Variants in ACTN2 observed in about 807,000 individuals in gnomAD.
ACTN2 encodes alpha-actinin-2.
A neutral mutation model predicts 113.8 loss-of-function variants in ACTN2; 39 were observed. That is an observed-to-expected ratio of 0.34 (90% CI 0.27 to 0.45). The LOEUF (loss-of-function observed/expected upper bound fraction) is 0.45, where lower values mean the gene tolerates loss of function less well. ACTN2 is among the 20% of genes least tolerant of loss of function. The pLI is 1.00. For synonymous variants in ACTN2, 429 were observed against 444.1 expected, an observed-to-expected ratio of 0.97 and a Z score of 0.43; for missense variants, 992 against 1,177.9, an observed-to-expected ratio of 0.84 and a Z score of 2.31.
intron 19 of ACTN2, among the ~76,000 whole-genome samples, chr1:236,760,414 T>C (rs745583763): frequency 3.9e-5 from 6 of 152,218 alleles, no homozygotes; most frequent in Middle Eastern, 3.2e-3. Context: ...TATACTTCAG[T>C]GGCTTTTAGT....
At chr1:236,686,846 C>A in intron 1 of ACTN2, 47 bp downstream of exon 1, 1 of 1,353,936 alleles carries the variant, frequency 7.4e-7, no homozygotes, top group Non-Finnish European at 9.5e-7. Context: ...GGCCGGGTCC[C>A]CCGCGGGGCT....
chr1:236,740,121 T>C (rs1314666348), intron 10 of ACTN2, among the ~76,000 whole-genome samples: 1 of 149,966 alleles, frequency 6.7e-6, no homozygotes. Context: ...CTCACTCACT[T>C]TTTTTTTTTG....
intron 7 of ACTN2, among the ~76,000 whole-genome samples, chr1:236,731,988 G>C (rs1225761992): frequency 1.3e-5 from 2 of 152,090 alleles, no homozygotes; most frequent in Non-Finnish European, 1.5e-5. Context: ...GACACCATTC[G>C]TTCATTTTAT....
rs1441843295 is a variant in ACTN2 at position 236,735,670 on chromosome 1, A to G, written c.733A>G (p.Ile245Val). ...VNTPKPDERA[I>V]MTYVSCFYHA... Reference sequence around the variant, plus strand: ...CACCCCTAAACCCGATGAAAGAGCCATCATGACGTACGTCTCTTGCTTCTA... The same window carrying G: ...CACCCCTAAACCCGATGAAAGAGCCGTCATGACGTACGTCTCTTGCTTCTA... Residue 245 changes from isoleucine to valine, a missense_variant, in exon 8 of 21, where the codon ATC becomes GTC. By Grantham distance (29) the Ile-to-Val change is conservative (BLOSUM62 3). Around this residue, in one of 3 missense-constraint regions of ACTN2, gnomAD observed 220 missense variants for 337.5 expected, o/e 0.65. Coordinates refer to ENST00000366578, the MANE Select transcript of ACTN2 (RefSeq NM_001103.4). The G allele has an allele frequency of 1.2e-6, 2 of 1,614,070 alleles. No individual in the cohort carries two copies. The highest frequency in any genetic ancestry group is 2.2e-5 in the East Asian group (1 of 44,886).
rs76337846 is a variant in ACTN2, at chr1:236,758,040, A to G, written c.2301+408A>G. Among the ~76,000 whole-genome samples, 938 of 152,304 alleles carry G rather than the reference A, an allele frequency of 6.2e-3. 10 individuals are homozygous for G. The highest frequency in any genetic ancestry group is 0.022 in the African/African-American group (907 of 41,554). On this transcript the variant is annotated intron_variant, in intron 18 of 20. Coordinates refer to ENST00000366578, the MANE Select transcript of ACTN2 (RefSeq NM_001103.4). ...GGTCATAATTTAACCCATTCTTTCA[A>G]CATATAAAACTCAGTTTTCTGTTTT...
chr1:236,711,078 G>A (rs1658011732), intron 1 of ACTN2, among the ~76,000 whole-genome samples: 1 of 152,218 alleles, frequency 6.6e-6, no homozygotes, highest in African/African-American at 2.4e-5. Context: ...GGAACGTGGT[G>A]CCCAGGAGAG....
chr1:236,758,922 C>T (rs1443421188), intron 18 of ACTN2, among the ~76,000 whole-genome samples: 3 of 152,176 alleles, frequency 2.0e-5, no homozygotes, highest in Non-Finnish European at 4.4e-5. Flanking sequence ...CGACTAGCTA[C>T]GTTCCAATTC....
At chr1:236,712,920 C>CTT (rs5781920) in intron 1 of ACTN2, among the ~76,000 whole-genome samples, 1 of 145,430 alleles carries the variant, frequency 6.9e-6, no homozygotes, top group Non-Finnish European at 1.5e-5. Flanking sequence ...CCATCAGTTG[C>CTT]TTTTTTTTTT....
Position 236,742,981 on chromosome 1 carries a change from G to A in ACTN2, c.1193G>A (p.Arg398His), listed in dbSNP as rs752906680. ...WLLNEIRRLE[R>H]LEHLAEKFRQ... Reference sequence around the variant, plus strand: ...CTCAATGAGATTCGGAGACTGGAGCGCTTGGAACACCTGGCTGAGAAGTTC... The same window carrying A: ...CTCAATGAGATTCGGAGACTGGAGCACTTGGAACACCTGGCTGAGAAGTTC... Residue 398 changes from arginine to histidine, a missense_variant, in exon 11 of 21, where the codon CGC becomes CAC. By Grantham distance (29) the Arg-to-His change is conservative. This residue lies in a region of ACTN2 where 736 missense variants were observed against 815.4 expected (regional missense o/e 0.90). Transcript: ENST00000366578. 25 of 1,614,138 alleles carry A rather than the reference G, an allele frequency of 1.5e-5. No homozygotes were observed. Among genetic ancestry groups the A allele is most frequent in the Non-Finnish European group, 2.0e-5 (24 of 1,180,026 alleles).
At chr1:236,721,589 C>A (rs900978808) in intron 4 of ACTN2, among the ~76,000 whole-genome samples, 49 of 152,148 alleles carry the variant, frequency 3.2e-4, no homozygotes, top group African/African-American at 1.1e-3. Flanking sequence ...CAATATAGTT[C>A]TATTACAGTA....
intron 1 of ACTN2, among the ~76,000 whole-genome samples, chr1:236,695,563 T>TTCCC (rs1553296741): frequency 2.9e-4 from 29 of 100,756 alleles, no homozygotes; most frequent in Admixed American, 7.7e-4. Context: ...TGAAATGAGT[T>TTCCC]CCCCCCCCCT....
intron 13 of ACTN2, among the ~76,000 whole-genome samples, 163 bp from the exon 14 acceptor site, chr1:236,748,961 G>A (rs980648530): frequency 6.6e-6 from 1 of 152,094 alleles, no homozygotes; most frequent in Non-Finnish European, 1.5e-5. Context: ...AGACCTGCAG[G>A]GCTCAGCCTA....
intron 12 of ACTN2, among the ~76,000 whole-genome samples, chr1:236,746,145 G>T (rs1388270544): frequency 1.6e-5 from 2 of 123,332 alleles, no homozygotes; most frequent in Non-Finnish European, 3.2e-5. Flanking sequence ...CAGCCTGGGC[G>T]ACAGAGCAAG....
chr1:236,747,595 C>A (rs899445538), intron 12 of ACTN2, 72 bp from the exon 13 acceptor site: 14 of 1,360,694 alleles, frequency 1.0e-5, no homozygotes, highest in Non-Finnish European at 1.3e-5. Context: ...TGTTATTTTT[C>A]TTTTTTAGCC....
intron 4 of ACTN2, among the ~76,000 whole-genome samples, chr1:236,721,526 G>T (rs1658395896): frequency 6.6e-6 from 1 of 152,112 alleles, no homozygotes; most frequent in African/African-American, 2.4e-5. Flanking sequence ...TTCAAGCTCA[G>T]GAATGACAGC....
intron 17 of ACTN2, among the ~76,000 whole-genome samples, chr1:236,755,699 G>A (rs35553306): frequency 1.5e-5 from 2 of 135,322 alleles, no homozygotes; most frequent in African/African-American, 2.8e-5. Flanking sequence ...CAGAGGGCCC[G>A]CTGCCACTGT....
Position 236,757,602 on chromosome 1 carries a change from G to T in ACTN2, c.2271G>T (p.Glu757Asp). 6.2e-7 allele frequency: 1 copy of T among 1,614,162 alleles called. No individual in the cohort carries two copies. Among genetic ancestry groups the T allele is most frequent in the South Asian group, 1.1e-5 (1 of 91,084 alleles). ...AKGITQEQMN[E>D]FRASFNHFDR... ...GCATCACCCAGGAGCAGATGAATGA[G>T]TTCAGAGCCTCCTTCAACCACTTTG... The change falls in exon 18 of 21, where the codon GAG becomes GAT. Residue 757 changes from glutamate to aspartate, a missense_variant. Physicochemically the swap from Glu to Asp is conservative, Grantham distance 45 (BLOSUM62 2). Coordinates refer to ENST00000366578, the MANE Select transcript of ACTN2 (RefSeq NM_001103.4).
At chr1:236,694,993 A>T (rs1043700107) in intron 1 of ACTN2, among the ~76,000 whole-genome samples, 1 of 151,948 alleles carries the variant, frequency 6.6e-6, no homozygotes, top group African/African-American at 2.4e-5. Context: ...TTGAGCTCAG[A>T]AGTTTGAGGC....
Position 236,762,872 on chromosome 1 carries a change from ATTTC to A in ACTN2, c.*257_*260del, listed in dbSNP as rs763185284. ...CAAAATGTAATGAAATATCAGGTTGATTTCTTTGATTAAACAGAACAAATTACTT... is the reference window on the plus strand; with the variant it reads ...CAAAATGTAATGAAATATCAGGTTGATTTGATTAAACAGAACAAATTACTT... On this transcript the variant is annotated 3_prime_UTR_variant, in exon 21 of 21. Transcript: ENST00000366578. 2 of 490,102 alleles carry A rather than the reference ATTTC, an allele frequency of 4.1e-6. No homozygotes were observed. The highest frequency in any genetic ancestry group is 7.4e-6 in the Non-Finnish European group (2 of 268,926). The allele number at this position is 490,102 out of a possible 1,614,324, so 30.4% of individuals were successfully genotyped here. A position where few individuals can be genotyped will look rare whatever the true frequency, so the allele number is the denominator to read the frequency against.
Sources: gnomAD v4.1 joint callset for allele counts (sites outside exome capture counted in the v4.1 genomes callset) on GRCh38, gnomAD v4.1.1 for gene constraint, gnomAD v4.1.1 regional missense constraint, MANE v1.5 for transcripts, NCBI Gene and HGNC (gene_info 2026-07-23, HGNC 2026-07-21) for gene names.